Variants in DYNC1I2 observed in about 807,000 individuals in gnomAD.
The protein encoded by DYNC1I2 is cytoplasmic dynein 1 intermediate chain 2.
DYNC1I2 carries 53 observed loss-of-function variants against 88.6 expected under a neutral mutation model. The observed-to-expected ratio is 0.60, with a 90% confidence interval of 0.48 to 0.75. The LOEUF is 0.75. Ranked by LOEUF, DYNC1I2 falls within the 30% of genes least tolerant of loss-of-function variation. The probability of loss-of-function intolerance (pLI) is 0.00; values close to 1 mark genes in which losing one functional copy is unlikely to be tolerated. For missense variants in DYNC1I2, 458 were observed against 766.6 expected (o/e 0.60, Z 4.75); for synonymous variants, 198 against 254.6 (o/e 0.78, Z 2.12).
Position 171,695,854 on chromosome 2 carries a change from C to T in DYNC1I2, c.226+2960C>T, listed in dbSNP as rs541307840. Among the ~76,000 whole-genome samples, 9 of 152,322 alleles carry T rather than the reference C, an allele frequency of 5.9e-5. No homozygotes were observed. The East Asian group carries it at 1.7e-3, about 29-fold the overall frequency. ...AAAAGTAACTGCTTTACCATATTCACATGATGACTGGATATTATCCAGCTT... is the reference window on the plus strand; with the variant it reads ...AAAAGTAACTGCTTTACCATATTCATATGATGACTGGATATTATCCAGCTT... On this transcript the variant is annotated intron_variant, in intron 3 of 17. Transcript: ENST00000397119.
At position 171,743,793 on chromosome 2, in the gene DYNC1I2, A is replaced by G. The variant is rs373277821; in HGVS notation, c.1537-256A>G. 3.3e-5 allele frequency among the ~76,000 whole-genome samples: 5 copies of G among 152,340 alleles called. No individual in the cohort carries two copies. In the East Asian group the frequency reaches 9.6e-4, roughly 29 times the overall value. ...TCTCATTGACAGATGTTCTTGAAGCATGTTCTATTTCTTTTTTTAAACAGT... is the reference window on the plus strand; with the variant it reads ...TCTCATTGACAGATGTTCTTGAAGCGTGTTCTATTTCTTTTTTTAAACAGT... On this transcript the variant is annotated intron_variant, in intron 15 of 17. Coordinates refer to ENST00000397119, the MANE Select transcript of DYNC1I2 (RefSeq NM_001378.3).
intron 7 of DYNC1I2, among the ~76,000 whole-genome samples, chr2:171,722,708 C>G (rs1687980048): frequency 6.6e-6 from 1 of 152,012 alleles, no homozygotes; most frequent in African/African-American, 2.4e-5. Flanking sequence ...GGCATTTTTG[C>G]CAAATATTTG....
At chr2:171,727,745 A>G in intron 11 of DYNC1I2, 76 bp from the exon 12 acceptor site, 1 of 1,377,096 alleles carries the variant, frequency 7.3e-7, no homozygotes, top group Non-Finnish European at 1.0e-6. Context: ...AATGTTTCGG[A>G]TAATAGATTG....
chr2:171,710,137 ACACACACAC>A (rs1687007346), intron 5 of DYNC1I2, among the ~76,000 whole-genome samples: 1 of 144,654 alleles, frequency 6.9e-6, no homozygotes, highest in Non-Finnish European at 1.5e-5. Flanking sequence ...ACACACACAC[ACACACACAC>A]ACACACACAC....
At chr2:171,737,747 C>G (rs1023331178) in intron 15 of DYNC1I2, among the ~76,000 whole-genome samples, 1 of 152,060 alleles carries the variant, frequency 6.6e-6, no homozygotes, top group South Asian at 2.1e-4. Context: ...AATCTTTTAC[C>G]CAGTTACAGT....
intron 16 of DYNC1I2, among the ~76,000 whole-genome samples, chr2:171,745,597 T>C (rs1349860015): frequency 6.6e-6 from 1 of 152,234 alleles, no homozygotes; most frequent in Admixed American, 6.5e-5. Flanking sequence ...ATACAAAGAC[T>C]TATTTTCCCA....
intron 3 of DYNC1I2, among the ~76,000 whole-genome samples, chr2:171,706,208 A>G (rs1485412072): frequency 1.3e-5 from 2 of 152,142 alleles, no homozygotes; most frequent in East Asian, 1.9e-4. Flanking sequence ...CTGTTAAAAG[A>G]AGGGCTTTCA....
intron 5 of DYNC1I2, among the ~76,000 whole-genome samples, chr2:171,707,802 T>C (rs1310140289): frequency 6.6e-6 from 1 of 152,188 alleles, no homozygotes; most frequent in East Asian, 1.9e-4. Context: ...TTCTGTTCTA[T>C]TAAGTCATTA....
chr2:171,704,468 A>G (rs1686520513), intron 3 of DYNC1I2, among the ~76,000 whole-genome samples: 1 of 151,578 alleles, frequency 6.6e-6, no homozygotes, highest in African/African-American at 2.4e-5. Context: ...TTTACTTTAT[A>G]CCATTTAAAA....
At chr2:171,724,270 A>ACT in intron 7 of DYNC1I2, among the ~76,000 whole-genome samples, 1 of 152,322 alleles carries the variant, frequency 6.6e-6, no homozygotes, top group South Asian at 2.1e-4. Context: ...AGAGTTAGAA[A>ACT]GATTTTCATA....
chr2:171,714,639 C>A (rs569002349), intron 6 of DYNC1I2, among the ~76,000 whole-genome samples: 61 of 152,132 alleles, frequency 4.0e-4, no homozygotes, highest in African/African-American at 1.4e-3. Flanking sequence ...GAATGTATAC[C>A]CTGTATTTCT....
At chr2:171,737,137 T>C (rs1231598862) in intron 15 of DYNC1I2, among the ~76,000 whole-genome samples, 1 of 152,242 alleles carries the variant, frequency 6.6e-6, no homozygotes, top group Non-Finnish European at 1.5e-5. Context: ...TTCTGATGGT[T>C]GCCAGCAATC....
chr2:171,709,132 T>A (rs906637126), intron 5 of DYNC1I2, among the ~76,000 whole-genome samples: 2 of 152,192 alleles, frequency 1.3e-5, no homozygotes, highest in African/African-American at 4.8e-5. Context: ...TATTTGATAT[T>A]ATACATTATT....
At chr2:171,742,686 A>G (rs546516432) in intron 15 of DYNC1I2, among the ~76,000 whole-genome samples, 2 of 152,306 alleles carry the variant, frequency 1.3e-5, no homozygotes, top group South Asian at 4.1e-4. Flanking sequence ...TTCATTTTCT[A>G]GGTTAAAGCT....
intron 3 of DYNC1I2, among the ~76,000 whole-genome samples, chr2:171,704,897 A>G (rs1686558586): frequency 6.6e-6 from 1 of 152,084 alleles, no homozygotes; most frequent in African/African-American, 2.4e-5. Context: ...TCCTTTTGTA[A>G]TGATAGTAAT....
chr2:171,722,794 C>T (rs1288866272), intron 7 of DYNC1I2, among the ~76,000 whole-genome samples: 2 of 152,128 alleles, frequency 1.3e-5, no homozygotes, highest in African/African-American at 4.8e-5. Flanking sequence ...ACAGCATTAT[C>T]ATTTGTTTTT....
At chr2:171,695,107 GT>G (rs1398654634) in intron 3 of DYNC1I2, among the ~76,000 whole-genome samples, 15 of 147,370 alleles carry the variant, frequency 1.0e-4, no homozygotes, top group Admixed American at 2.7e-4. Flanking sequence ...TTGGTTTTTG[GT>G]TTTTTTTTTG....
chr2:171,747,794 A>C lies in DYNC1I2; in HGVS notation c.1822A>C (p.Asn608His). 6.2e-7 allele frequency: 1 copy of C among 1,610,666 alleles called. No individual in the cohort carries two copies. Among genetic ancestry groups the C allele is most frequent in the Middle Eastern group, 2.1e-4 (1 of 4,846 alleles). The stretch of plus-strand genomic sequence containing the variant: ...TTAACAGCAGATTGCTGTTCCCCGC[A>C]ATGATGAATGGGCACGGTTTGGCCG... ...DVGEQIAVPR[N>H]DEWARFGRTL... The change falls in exon 18 of 18, where the codon AAT becomes CAT. Residue 608 changes from asparagine (N) to histidine (H), a missense_variant. By Grantham distance (68) the Asn-to-His change is moderately conservative. Around this residue, in one of 5 missense-constraint regions of DYNC1I2, gnomAD observed 188 missense variants for 300.4 expected, o/e 0.63. Coordinates refer to ENST00000397119, the MANE Select transcript of DYNC1I2 (RefSeq NM_001378.3).
intron 3 of DYNC1I2, among the ~76,000 whole-genome samples, chr2:171,694,681 T>C (rs1407109727): frequency 6.6e-6 from 1 of 152,010 alleles, no homozygotes; most frequent in Non-Finnish European, 1.5e-5. Context: ...AGAGGTTTAA[T>C]TGGCTCATGG....
Sources: gnomAD v4.1 joint callset for allele counts (sites outside exome capture counted in the v4.1 genomes callset) on GRCh38, gnomAD v4.1.1 for gene constraint, gnomAD v4.1.1 regional missense constraint, MANE v1.5 for transcripts, NCBI Gene and HGNC (gene_info 2026-07-23, HGNC 2026-07-21) for gene names.